CSMD1: variants seen among roughly 807,000 people sequenced by gnomAD.
The protein encoded by CSMD1 is CUB and Sushi multiple domains 1, also known as CUB and sushi domain-containing protein 1.
In CSMD1, 213 loss-of-function variants were observed where a neutral mutation model predicts 417.5. That is an observed-to-expected ratio of 0.51 (90% CI 0.46 to 0.57). The LOEUF is 0.57. Among genes scored for constraint, CSMD1 ranks in the 20% least tolerant of loss-of-function variants. The pLI is 0.00. For missense variants in CSMD1, 6,923 were observed against 4,529.7 expected, an observed-to-expected ratio of 1.53 and a Z score of -15.17; for synonymous variants, 2,862 against 1,736.8, an observed-to-expected ratio of 1.65 and a Z score of -16.11.
chr8:4,449,651 T>C (rs530204425), intron 2 of CSMD1, among the ~76,000 whole-genome samples: 48 of 152,210 alleles, frequency 3.2e-4, no homozygotes, highest in African/African-American at 1.2e-3. Context: ...ACATAGATCA[T>C]GAACATAATC....
At chr8:3,037,570 G>C (rs1650873864) in intron 50 of CSMD1, among the ~76,000 whole-genome samples, 1 of 152,134 alleles carries the variant, frequency 6.6e-6, no homozygotes, top group Non-Finnish European at 1.5e-5. Flanking sequence ...GTGTGCATGT[G>C]TCTTTTCCAC....
At chr8:3,678,168 C>A (rs563434103) in intron 7 of CSMD1, among the ~76,000 whole-genome samples, 26 of 152,308 alleles carry the variant, frequency 1.7e-4, no homozygotes, top group Admixed American at 1.2e-3. Flanking sequence ...TCACCAGCAA[C>A]AGAACAAAGC....
intron 1 of CSMD1, among the ~76,000 whole-genome samples, chr8:4,650,466 A>C (rs1803825033): frequency 6.6e-6 from 1 of 152,022 alleles, no homozygotes; most frequent in Admixed American, 6.6e-5. Flanking sequence ...TTCAACTTTT[A>C]ACTTGCTCCT....
chr8:3,063,635 G>T (rs1464395239), intron 49 of CSMD1, among the ~76,000 whole-genome samples: 1 of 152,142 alleles, frequency 6.6e-6, no homozygotes, highest in African/African-American at 2.4e-5. Flanking sequence ...CACACAGTGG[G>T]TTATTACTCA....
At chr8:3,259,321 T>C (rs2117078902) in intron 26 of CSMD1, among the ~76,000 whole-genome samples, 1 of 152,316 alleles carries the variant, frequency 6.6e-6, no homozygotes, top group Non-Finnish European at 1.5e-5. Context: ...ATGTGAGCTC[T>C]GCAAAGCAGG....
At chr8:3,871,340 A>G (rs78792192) in intron 5 of CSMD1, among the ~76,000 whole-genome samples, 6 of 152,220 alleles carry the variant, frequency 3.9e-5, no homozygotes, top group Admixed American at 3.9e-4. Context: ...CATAGTTGAT[A>G]TTGACAACTA....
intron 3 of CSMD1, among the ~76,000 whole-genome samples, chr8:4,273,974 T>G (rs1167870314): frequency 6.6e-6 from 1 of 152,162 alleles, no homozygotes; most frequent in Non-Finnish European, 1.5e-5. Context: ...AGAACGACAT[T>G]TGTATTGCTA....
intron 7 of CSMD1, among the ~76,000 whole-genome samples, chr8:3,632,694 T>G (rs578104513): frequency 6.6e-6 from 1 of 152,190 alleles, no homozygotes; most frequent in African/African-American, 2.4e-5. Flanking sequence ...TCAGTACTAT[T>G]TAGGCACAGG....
At chr8:4,772,957 C>A (rs1491001299) in intron 1 of CSMD1, among the ~76,000 whole-genome samples, 8 of 152,148 alleles carry the variant, frequency 5.3e-5, no homozygotes, top group Admixed American at 5.2e-4. Context: ...GAATATAACA[C>A]ATGGGACATT....
rs1336050453 is a variant in CSMD1 at position 3,795,341 on chromosome 8, G to A, written c.819-41299C>T. ...TACAGATATAGATATCTATCATGTA[G>A]ATATAGATATATATCTATCATGTAT... is the stretch of plus-strand genomic sequence containing the variant. On this transcript the variant is annotated intron_variant, in intron 5 of 69. Coordinates refer to ENST00000635120, the MANE Select transcript of CSMD1 (RefSeq NM_033225.6). Among the ~76,000 whole-genome samples the A allele has an allele frequency of 2.0e-4, 8 of 39,706 alleles. 4 individuals carry two copies. Among genetic ancestry groups the A allele is most frequent in the African/African-American group, 7.2e-4 (8 of 11,180 alleles). The allele number at this position is 39,706 out of a possible 152,430, so 26.0% of individuals were successfully genotyped here.
chr8:4,474,989 C>T (rs931256567), intron 2 of CSMD1, among the ~76,000 whole-genome samples: 14 of 152,086 alleles, frequency 9.2e-5, no homozygotes, highest in South Asian at 8.3e-4. Context: ...TTAGTAATTA[C>T]GTTTTGGGGG....
intron 3 of CSMD1, among the ~76,000 whole-genome samples, chr8:4,395,266 C>G (rs899630621): frequency 1.3e-5 from 2 of 152,176 alleles, no homozygotes; most frequent in Non-Finnish European, 2.9e-5. Flanking sequence ...TCTCTTACTC[C>G]AGAACTACCA....
In CSMD1 at chr8:4,067,096, G is replaced by T. The variant is rs770905639; in HGVS notation, c.416-34997C>A. 2.6e-5 allele frequency among the ~76,000 whole-genome samples: 4 copies of T among 152,316 alleles called. No homozygotes were observed. The Middle Eastern group carries it at 0.01, about 389-fold the overall frequency. On this transcript the variant is annotated intron_variant, in intron 3 of 69. Coordinates refer to ENST00000635120, the MANE Select transcript of CSMD1 (RefSeq NM_033225.6). ...ATTCAGACACAGAGAAGGGTACAAG[G>T]CTCTTTTTCCTCAAATGTGTTTCCA...
chr8:4,094,935 T>C (rs1446034202), intron 3 of CSMD1, among the ~76,000 whole-genome samples: 1 of 152,192 alleles, frequency 6.6e-6, no homozygotes, highest in Admixed American at 6.5e-5. Flanking sequence ...ATTGAAGGTT[T>C]TGAACTGGGA....
intron 18 of CSMD1, among the ~76,000 whole-genome samples, chr8:3,377,121 G>A (rs950681919): frequency 6.7e-6 from 1 of 148,658 alleles, no homozygotes; most frequent in Non-Finnish European, 1.5e-5. Context: ...TGATCCCCCT[G>A]CCTCAGCGTC....
intron 3 of CSMD1, among the ~76,000 whole-genome samples, chr8:4,176,594 T>C (rs1162927459): frequency 3.7e-5 from 5 of 133,740 alleles, no homozygotes; most frequent in East Asian, 4.5e-4. Context: ...AGAAGGGACA[T>C]AGGAGTAGGA....
intron 4 of CSMD1, among the ~76,000 whole-genome samples, chr8:4,005,739 G>T (rs1325969744): frequency 6.6e-6 from 1 of 152,222 alleles, no homozygotes; most frequent in East Asian, 1.9e-4. Context: ...TAAATATGTG[G>T]AAGTGAGTTA....
intron 2 of CSMD1, among the ~76,000 whole-genome samples, chr8:4,514,271 T>C (rs1235449171): frequency 6.6e-6 from 1 of 152,128 alleles, no homozygotes; most frequent in Admixed American, 6.6e-5. Context: ...TAAATCCCCT[T>C]GGATCAGGCC....
At chr8:4,606,244 G>A (rs941105146) in intron 2 of CSMD1, among the ~76,000 whole-genome samples, 1 of 152,046 alleles carries the variant, frequency 6.6e-6, no homozygotes, top group Non-Finnish European at 1.5e-5. Context: ...ATATGCTTCA[G>A]TTAGAAATAA....
Sources: gnomAD v4.1 joint callset for allele counts (sites outside exome capture counted in the v4.1 genomes callset) on GRCh38, gnomAD v4.1.1 for gene constraint, MANE v1.5 for transcripts, NCBI Gene and HGNC (gene_info 2026-07-23, HGNC 2026-07-21) for gene names.